XYLT1: variants seen among roughly 807,000 people sequenced by gnomAD.
The protein encoded by XYLT1 is beta-D-xylosyltransferase 1.
In XYLT1, 36 loss-of-function variants were observed where a neutral mutation model predicts 91.3. The observed-to-expected ratio is 0.39, with a 90% confidence interval of 0.30 to 0.52. The LOEUF (loss-of-function observed/expected upper bound fraction) is 0.52. XYLT1 is among the 20% of genes least tolerant of loss of function. The pLI is 0.68. For missense variants in XYLT1, 1,242 were observed against 1,284.5 expected (o/e 0.97, Z 0.51); for synonymous variants, 588 against 532.0 (o/e 1.11, Z -1.45).
At chr16:17,399,392 G>A (rs1420260581) in intron 1 of XYLT1, among the ~76,000 whole-genome samples, 1 of 152,154 alleles carries the variant, frequency 6.6e-6, no homozygotes, top group Non-Finnish European at 1.5e-5. Flanking sequence ...GAAGGGGTGT[G>A]GACAACTCCA....
At chr16:17,187,302 G>A (rs1318870192) in intron 5 of XYLT1, among the ~76,000 whole-genome samples, 3 of 148,838 alleles carry the variant, frequency 2.0e-5, no homozygotes, top group Admixed American at 1.4e-4. Context: ...GCTGAAGCAG[G>A]AGATTCCCTT....
At chr16:17,168,548 C>A (rs889784303) in intron 5 of XYLT1, among the ~76,000 whole-genome samples, 3 of 152,070 alleles carry the variant, frequency 2.0e-5, no homozygotes, top group African/African-American at 4.8e-5. Flanking sequence ...ACACAATATA[C>A]CCCTGGAGCA....
intron 2 of XYLT1, among the ~76,000 whole-genome samples, chr16:17,339,649 G>A (rs901441024): frequency 1.3e-5 from 2 of 152,064 alleles, no homozygotes; most frequent in East Asian, 1.9e-4. Flanking sequence ...ACCAGATTCC[G>A]AAGGGATTTA....
intron 3 of XYLT1, among the ~76,000 whole-genome samples, chr16:17,222,405 G>A (rs2032985366): frequency 1.3e-5 from 2 of 151,790 alleles, no homozygotes; most frequent in Non-Finnish European, 2.9e-5. Flanking sequence ...CCCACAGAAG[G>A]GATTATCTGG....
intron 3 of XYLT1, among the ~76,000 whole-genome samples, chr16:17,236,872 T>C (rs1463459): frequency 0.076 from 11,562 of 152,216 alleles, 488 homozygotes; most frequent in Non-Finnish European, 0.09. Context: ...ATGACCTCAC[T>C]TTAACTTGAT....
At chr16:17,282,092 C>T (rs965225631) in intron 2 of XYLT1, among the ~76,000 whole-genome samples, 1 of 152,204 alleles carries the variant, frequency 6.6e-6, no homozygotes, top group Non-Finnish European at 1.5e-5. Flanking sequence ...GATGGTAGTA[C>T]TAAGTGCAGC....
At chr16:17,163,537 C>A (rs2031601050) in intron 5 of XYLT1, among the ~76,000 whole-genome samples, 1 of 152,204 alleles carries the variant, frequency 6.6e-6, no homozygotes, top group Non-Finnish European at 1.5e-5. Context: ...TGCCCCAGAA[C>A]CCCTTCCCGA....
intron 2 of XYLT1, among the ~76,000 whole-genome samples, chr16:17,330,511 G>C (rs1009779767): frequency 1.3e-5 from 2 of 152,098 alleles, no homozygotes; most frequent in African/African-American, 4.8e-5. Context: ...GCTGGGCCAG[G>C]CATGGTGGCT....
At chr16:17,204,297 G>A (rs1247860282) in intron 3 of XYLT1, among the ~76,000 whole-genome samples, 1 of 152,188 alleles carries the variant, frequency 6.6e-6, no homozygotes, top group Admixed American at 6.5e-5. Context: ...AGACATGGAT[G>A]CTTTTCTTTT....
chr16:17,131,578 C>T (rs1249340122), intron 9 of XYLT1, among the ~76,000 whole-genome samples: 1 of 152,072 alleles, frequency 6.6e-6, no homozygotes, highest in Non-Finnish European at 1.5e-5. Context: ...ATTTGGGGAC[C>T]TGCAATAAAA....
chr16:17,387,394 C>T (rs1029159337), intron 1 of XYLT1, among the ~76,000 whole-genome samples: 4 of 152,086 alleles, frequency 2.6e-5, no homozygotes, highest in Admixed American at 6.5e-5. Context: ...TGGGGATATT[C>T]GCCACCCCCC....
chr16:17,138,851 CAG>C (rs1372689845), intron 7 of XYLT1: 1 of 234,320 alleles, frequency 4.3e-6, no homozygotes, highest in Non-Finnish European at 8.6e-6. Flanking sequence ...TGGTCCAACT[CAG>C]AGCGCAGGCG....
intron 1 of XYLT1, among the ~76,000 whole-genome samples, chr16:17,428,048 T>C (rs1304766060): frequency 6.6e-6 from 1 of 152,100 alleles, no homozygotes; most frequent in African/African-American, 2.4e-5. Context: ...TGAAGTGCAG[T>C]GGTGTGATTT....
chr16:17,181,849 G>C (rs577747714), intron 5 of XYLT1, among the ~76,000 whole-genome samples: 192 of 152,190 alleles, frequency 1.3e-3, no homozygotes, highest in African/African-American at 4.2e-3. Context: ...GATGCAACGG[G>C]GTGGGTACAG....
intron 1 of XYLT1, among the ~76,000 whole-genome samples, chr16:17,389,299 G>A (rs1483568238): frequency 6.6e-6 from 1 of 152,202 alleles, no homozygotes; most frequent in African/African-American, 2.4e-5. Context: ...AGGCTGGAGT[G>A]CAGCGGCACG....
chr16:17,113,635 G>C (rs1966846685), intron 11 of XYLT1, among the ~76,000 whole-genome samples: 1 of 152,184 alleles, frequency 6.6e-6, no homozygotes, highest in Admixed American at 6.5e-5. Context: ...TCTCATTCCA[G>C]AGAGGGCCCT....
At chr16:17,321,342 C>CTTTTTTTTTTTTTTTTTTTTTTTTTTTT (rs10606202) in intron 2 of XYLT1, among the ~76,000 whole-genome samples, 2 of 43,624 alleles carry the variant, frequency 4.6e-5, no homozygotes, top group Non-Finnish European at 8.4e-5. Context: ...ACTAACTAGC[C>CTTTTTTTTTTTTTTTTTTTTTTTTTTTT]TTTTTTTTTT....
intron 1 of XYLT1, among the ~76,000 whole-genome samples, chr16:17,360,667 G>C (rs1018176476): frequency 1.3e-5 from 2 of 152,166 alleles, no homozygotes; most frequent in African/African-American, 4.8e-5. Context: ...AGGATTCAAG[G>C]TATGACTATA....
At chr16:17,208,582 A>G (rs1398762197) in intron 3 of XYLT1, among the ~76,000 whole-genome samples, 1 of 152,234 alleles carries the variant, frequency 6.6e-6, no homozygotes, top group Non-Finnish European at 1.5e-5. Flanking sequence ...AATTGTGTGC[A>G]TTAATCAAAG....
Sources: allele counts gnomAD v4.1 joint callset (sites outside exome capture counted in the v4.1 genomes callset), GRCh38; gene constraint gnomAD v4.1.1; transcripts MANE v1.5; gene names NCBI Gene and HGNC (gene_info 2026-07-23, HGNC 2026-07-21).